CTSL: variants seen among roughly 807,000 people sequenced by gnomAD.
CTSL encodes procathepsin L.
CTSL carries 23 observed loss-of-function variants against 34.7 expected under a neutral mutation model. The ratio of observed to expected loss-of-function variants is 0.66; its 90% CI spans 0.48 to 0.94. The LOEUF (loss-of-function observed/expected upper bound fraction) is 0.94. Among genes scored for constraint, CTSL ranks in the 40% least tolerant of loss-of-function variants. The pLI is 0.00. For synonymous variants in CTSL, 129 were observed against 136.7 expected, an observed-to-expected ratio of 0.94 and a Z score of 0.39; for missense variants, 361 against 406.3, an observed-to-expected ratio of 0.89 and a Z score of 0.96.
At chr9:87,729,491 C>A in intron 5 of CTSL, 82 bp from the exon 6 acceptor site, 1 of 1,228,992 alleles carries the variant, frequency 8.1e-7, no homozygotes, top group Non-Finnish European at 1.2e-6. Flanking sequence ...CTGCACACTG[C>A]TGAGTGTTGT....
chr9:87,726,718 TC>T (rs1411076109), intron 1 of CTSL, among the ~76,000 whole-genome samples: 1 of 152,100 alleles, frequency 6.6e-6, no homozygotes, highest in Non-Finnish European at 1.5e-5. Flanking sequence ...TCCCAGTTTT[TC>T]CTGGGAAAGC....
In CTSL at chr9:87,728,380, C is replaced by G; in HGVS notation, c.380C>G (p.Thr127Ser). The G allele has an allele frequency of 1.2e-6, 2 of 1,613,934 alleles. No homozygotes were observed. Among genetic ancestry groups the G allele is most frequent in the African/African-American group, 2.7e-5 (2 of 75,034 alleles). ...SVDWREKGYV[T>S]PVKNQGQCGS... is the part of the protein sequence containing the mutation. ...GATTGGAGAGAGAAAGGCTACGTGA[C>G]TCCTGTGAAGAATCAGGTGAGACAG... The change falls in exon 4 of 8, where the codon ACT becomes AGT. Residue 127 changes from threonine (T) to serine (S), a missense_variant. Coordinates refer to ENST00000343150, the MANE Select transcript of CTSL (RefSeq NM_001912.5).
chr9:87,730,917 C>T, intron 7 of CTSL, 91 bp from the exon 8 acceptor site: 1 of 987,942 alleles, frequency 1.0e-6, no homozygotes, highest in Non-Finnish European at 1.6e-6. Flanking sequence ...AAGTCTATGG[C>T]CTCTGGCACA....
At position 87,728,391 on chromosome 9, in the gene CTSL, A is replaced by G. The variant is rs377749013; in HGVS notation, c.391A>G (p.Asn131Asp). 3.1e-6 allele frequency: 5 copies of G among 1,613,498 alleles called. No individual in the cohort carries two copies. The African/African-American group carries it at 5.3e-5, about 17-fold the overall frequency. The change falls in exon 4 of 8, where the codon AAT (asparagine) becomes GAT (aspartate). Residue 131 changes from asparagine to aspartate, a missense_variant. Transcript: ENST00000343150. ...REKGYVTPVK[N>D]QGQCGSCWAF... ...GAAAGGCTACGTGACTCCTGTGAAGAATCAGGTGAGACAGTGTCAGGTTCA... is the reference window on the plus strand; with the variant it reads ...GAAAGGCTACGTGACTCCTGTGAAGGATCAGGTGAGACAGTGTCAGGTTCA...
At chr9:87,726,621 G>T (rs1245969151) in intron 1 of CTSL, among the ~76,000 whole-genome samples, 1 of 152,246 alleles carries the variant, frequency 6.6e-6, no homozygotes, top group Non-Finnish European at 1.5e-5. Context: ...GCGGCCATAT[G>T]ACCCCGTCCC....
rs1201389334 is a variant in CTSL at position 87,727,988 on chromosome 9, G to A, written c.127-39G>A. The A allele has an allele frequency of 1.9e-6, 3 of 1,610,158 alleles. No individual in the cohort carries two copies. In the African/African-American group the frequency reaches 4.0e-5, roughly 21 times the overall value. On this transcript the variant is annotated intron_variant, in intron 2 of 7. Coordinates refer to ENST00000343150, the MANE Select transcript of CTSL (RefSeq NM_001912.5). ...CTTGGTGAGGATGAGTTGGGTTTTAGGTAGAAGTAAAGAGCATCAGTTACA... is the reference window on the plus strand; with the variant it reads ...CTTGGTGAGGATGAGTTGGGTTTTAAGTAGAAGTAAAGAGCATCAGTTACA...
Position 87,728,379 on chromosome 9 carries a change from ACTC to A in CTSL, c.382_384del (p.Pro128del). The A allele has an allele frequency of 1.9e-6, 3 of 1,613,774 alleles. No homozygotes were observed. The highest frequency in any genetic ancestry group is 2.5e-6 in the Non-Finnish European group (3 of 1,179,922). ...GGATTGGAGAGAGAAAGGCTACGTG[ACTC>A]CTGTGAAGAATCAGGTGAGACAGTG... On this transcript the variant is annotated inframe_deletion, in exon 4 of 8. Coordinates refer to ENST00000343150, the MANE Select transcript of CTSL (RefSeq NM_001912.5).
chr9:87,729,841 T>G lies in CTSL; in HGVS notation c.784+106T>G, dbSNP rs1001584129. 1.3e-5 allele frequency: 14 copies of G among 1,096,880 alleles called. No individual in the cohort carries two copies. In the East Asian group the frequency reaches 3.5e-4, roughly 27 times the overall value. The allele number at this position is 1,096,880 out of a possible 1,614,324, so 67.9% of individuals were successfully genotyped here. ...GTAAAGTTCAGTGTAGATATTTAGG[T>G]GCTTAGCATCATAGTTGTTCATTCT... On this transcript the variant is annotated intron_variant, in intron 6 of 7. Coordinates refer to ENST00000343150, the MANE Select transcript of CTSL (RefSeq NM_001912.5).
intron 6 of CTSL, among the ~76,000 whole-genome samples, chr9:87,730,149 T>C (rs1706425827): frequency 6.6e-6 from 1 of 152,194 alleles, no homozygotes; most frequent in African/African-American, 2.4e-5. Context: ...AGAGGGGTCT[T>C]TTTTTCCTCT....
Position 87,727,740 on chromosome 9 carries a change from C to T in CTSL, c.126+11C>T, listed in dbSNP as rs184253842. The T allele has an allele frequency of 3.1e-3, 5,081 of 1,613,928 alleles. 15 individuals are homozygous for T. The highest frequency in any genetic ancestry group is 3.9e-3 in the Non-Finnish European group (4,624 of 1,179,936). The stretch of plus-strand genomic sequence containing the variant: ...AGATTATACGGCATGGTTAGTGAAA[C>T]TTCCCCAGAAAGAATAGTCCTGGCT... On this transcript the variant is annotated intron_variant, in intron 2 of 7. Transcript: ENST00000343150.
Position 87,731,313 on chromosome 9 carries a change from T to G in CTSL, c.*206T>G, listed in dbSNP as rs1826253789. On this transcript the variant is annotated 3_prime_UTR_variant, in exon 8 of 8. Coordinates refer to ENST00000343150, the MANE Select transcript of CTSL (RefSeq NM_001912.5). The stretch of plus-strand genomic sequence containing the variant: ...CTATAAATAGGTTTATATTATTGAT[T>G]CACTTACTGACTTTGCATTTTCGTT... 1 of 398,756 alleles carries G rather than the reference T, an allele frequency of 2.5e-6. No individual in the cohort carries two copies. The highest frequency in any genetic ancestry group is 4.4e-6 in the Non-Finnish European group (1 of 225,388). The allele number at this position is 398,756 out of a possible 1,614,324, so 24.7% of individuals were successfully genotyped here. A position where few individuals can be genotyped will look rare whatever the true frequency, so the allele number is the denominator to read the frequency against.
At position 87,731,101 on chromosome 9, in the gene CTSL, T is replaced by C; in HGVS notation, c.996T>C (p.Thr332=). ...CGIASAASYP[T]V ...TTGCCTCAGCAGCCAGCTACCCCAC[T>C]GTGTGAGCTGGTGGACGGTGATGAG... The change falls in exon 8 of 8, where the codon ACT becomes ACC. Residue 332 remains threonine (T), a synonymous_variant. Transcript: ENST00000343150. 1 of 1,613,528 alleles carries C rather than the reference T, an allele frequency of 6.2e-7. No homozygotes were observed. The highest frequency in any genetic ancestry group is 1.1e-5 in the South Asian group (1 of 91,000).
At chr9:87,730,929 T>G in intron 7 of CTSL, 79 bp from the exon 8 acceptor site, 1 of 1,108,152 alleles carries the variant, frequency 9.0e-7, no homozygotes, top group Non-Finnish European at 1.4e-6. Flanking sequence ...TCTGGCACAG[T>G]GTTTAAGTTG....
intron 1 of CTSL, 145 bp from the exon 2 acceptor site, chr9:87,727,449 G>A: frequency 1.2e-6 from 1 of 841,632 alleles, no homozygotes; most frequent in Non-Finnish European, 1.8e-6. Flanking sequence ...CACATCCTTG[G>A]CCTCTTCCAC....
rs1215339286 is a variant in CTSL, at chr9:87,729,643, A to G, written c.692A>G (p.Gln231Arg). The G allele has an allele frequency of 6.8e-6, 11 of 1,614,024 alleles. No homozygotes were observed. The highest frequency in any genetic ancestry group is 9.3e-6 in the Non-Finnish European group (11 of 1,180,006). Residue 231 changes from glutamine to arginine, a missense_variant, in exon 6 of 8, where the codon CAG (glutamine) becomes CGG (arginine). Transcript: ENST00000343150. ...NDTGFVDIPK[Q>R]EKALMKAVAT... The stretch of plus-strand genomic sequence containing the variant: ...ACCGGCTTTGTGGACATCCCTAAGC[A>G]GGAGAAGGCCCTGATGAAGGCAGTT...
chr9:87,729,071 C>A, intron 5 of CTSL: 1 of 905,712 alleles, frequency 1.1e-6, no homozygotes, highest in Non-Finnish European at 1.6e-6. Flanking sequence ...CGTCTGTGGT[C>A]CCAGCTATGC....
chr9:87,731,058 G>A lies in CTSL; in HGVS notation c.953G>A (p.Arg318Gln), dbSNP rs537068633. The change falls in exon 8 of 8, where the codon CGG (arginine) becomes CAG (glutamine). Residue 318 changes from arginine to glutamine, a missense_variant. Arg to Gln is a conservative substitution (Grantham distance 43, BLOSUM62 1). Coordinates refer to ENST00000343150, the MANE Select transcript of CTSL (RefSeq NM_001912.5). ...GGCTACGTAAAGATGGCCAAAGACC[G>A]GAGAAACCATTGTGGAATTGCCTCA... ...MGGYVKMAKD[R>Q]RNHCGIASAA... is the part of the protein sequence containing the mutation. 36 of 1,614,046 alleles carry A rather than the reference G, an allele frequency of 2.2e-5. No individual in the cohort carries two copies. Among genetic ancestry groups the A allele is most frequent in the East Asian group, 1.1e-4 (5 of 44,876 alleles).
Position 87,729,476 on chromosome 9 carries a change from C to G in CTSL, c.622-97C>G, listed in dbSNP as rs969686195. 3.1e-5 allele frequency: 32 copies of G among 1,038,882 alleles called. No homozygotes were observed. In the African/African-American group the frequency reaches 4.7e-4, roughly 15 times the overall value. The allele number at this position is 1,038,882 out of a possible 1,614,324, so 64.4% of individuals were successfully genotyped here. On this transcript the variant is annotated intron_variant, in intron 5 of 7. Transcript: ENST00000343150. ...TTATAACAGTGGTGACTTGGAAATA[C>G]TAAGCTGCACACTGCTGAGTGTTGT...
At chr9:87,728,518 TGA>T (rs912381529) in intron 4 of CTSL, 65 bp from the exon 5 acceptor site, 30 of 1,576,430 alleles carry the variant, frequency 1.9e-5, no homozygotes, top group Non-Finnish European at 2.5e-5. Flanking sequence ...TTCAGATGTG[TGA>T]GCTGTTGTCA....
Sources: gnomAD v4.1 joint callset for allele counts (sites outside exome capture counted in the v4.1 genomes callset) on GRCh38, gnomAD v4.1.1 for gene constraint, MANE v1.5 for transcripts, NCBI Gene and HGNC (gene_info 2026-07-23, HGNC 2026-07-21) for gene names.